TCF12: variants seen among roughly 807,000 people sequenced by gnomAD.
The protein encoded by TCF12 is DNA-binding protein HTF4.
Under a neutral mutation model 86.0 loss-of-function variants are expected in TCF12, and 45 were observed. That is an observed-to-expected ratio of 0.52 (90% CI 0.41 to 0.67). TCF12 has a LOEUF of 0.67. Among genes scored for constraint, TCF12 ranks in the 30% least tolerant of loss-of-function variants. The pLI, the probability that TCF12 is intolerant of heterozygous loss-of-function variation, is 0.00. For synonymous variants in TCF12, 330 were observed against 299.6 expected (o/e 1.10, Z -1.05); for missense variants, 881 against 859.9 (o/e 1.02, Z -0.31).
At chr15:57,183,250 A>G (rs1484476284) in intron 6 of TCF12, among the ~76,000 whole-genome samples, 4 of 152,200 alleles carry the variant, frequency 2.6e-5, no homozygotes, top group African/African-American at 9.6e-5. Flanking sequence ...ACATTTGTAT[A>G]TACACATTCC....
chr15:57,281,276 TTGCTATCTTTTA>T (rs2152128677), intron 19 of TCF12, among the ~76,000 whole-genome samples: 1 of 152,314 alleles, frequency 6.6e-6, no homozygotes, highest in East Asian at 1.9e-4. Flanking sequence ...GCAGTCTTGT[TTGCTATCTTTTA>T]TAAGAAGCAG....
At chr15:57,221,703 C>T (rs2058606012) in intron 8 of TCF12, among the ~76,000 whole-genome samples, 1 of 151,966 alleles carries the variant, frequency 6.6e-6, no homozygotes, top group African/African-American at 2.4e-5. Context: ...GATATGTTGG[C>T]TTAGTCCTCC....
chr15:56,933,622 A>G (rs1166962330), intron 3 of TCF12, among the ~76,000 whole-genome samples: 4 of 152,184 alleles, frequency 2.6e-5, no homozygotes, highest in African/African-American at 9.7e-5. Context: ...GGACAATAAA[A>G]ATACTGCCTG....
chr15:57,190,480 G>A (rs1361416682), intron 6 of TCF12, among the ~76,000 whole-genome samples: 1 of 152,046 alleles, frequency 6.6e-6, no homozygotes, highest in Non-Finnish European at 1.5e-5. Flanking sequence ...AATATATGAT[G>A]GGGGATTCGT....
intron 3 of TCF12, among the ~76,000 whole-genome samples, chr15:57,032,438 G>A (rs1191628752): frequency 6.6e-6 from 1 of 152,028 alleles, no homozygotes; most frequent in African/African-American, 2.4e-5. Context: ...GTGTCGTTTC[G>A]GCTTTTTGAG....
chr15:57,219,819 G>T (rs1393485585), intron 8 of TCF12, among the ~76,000 whole-genome samples: 1 of 147,816 alleles, frequency 6.8e-6, no homozygotes, highest in African/African-American at 2.5e-5. Context: ...TTCGCCTCCC[G>T]GGTTCAAGCG....
chr15:56,941,230 G>A (rs1359534944), intron 3 of TCF12, among the ~76,000 whole-genome samples: 1 of 151,948 alleles, frequency 6.6e-6, no homozygotes, highest in African/African-American at 2.4e-5. Context: ...GCCAGGTGTG[G>A]TGGCATGTAC....
intron 4 of TCF12, among the ~76,000 whole-genome samples, chr15:57,091,475 T>A (rs2151115748): frequency 6.6e-6 from 1 of 152,326 alleles, no homozygotes; most frequent in South Asian, 2.1e-4. Flanking sequence ...TTAGTAATAG[T>A]TTACAGAATT....
chr15:56,940,468 T>C (rs1174850292), intron 3 of TCF12, among the ~76,000 whole-genome samples: 2 of 149,616 alleles, frequency 1.3e-5, no homozygotes, highest in African/African-American at 2.5e-5. Flanking sequence ...CTTCTTCCTC[T>C]TCTTCTTCTT....
intron 1 of TCF12, 73 bp from the exon 2 acceptor site, chr15:56,919,819 A>T: frequency 7.4e-7 from 1 of 1,344,300 alleles, no homozygotes; most frequent in Non-Finnish European, 1.1e-6. Context: ...AATCTTCCCC[A>T]GTACCTCTCT....
intron 3 of TCF12, among the ~76,000 whole-genome samples, chr15:57,046,137 C>A (rs1294294109): frequency 6.6e-6 from 1 of 152,204 alleles, no homozygotes; most frequent in Admixed American, 6.5e-5. Context: ...TTACCAACAT[C>A]ATCTCATTTA....
chr15:56,961,472 A>G (rs928386843), intron 3 of TCF12, among the ~76,000 whole-genome samples: 2 of 152,240 alleles, frequency 1.3e-5, no homozygotes, highest in African/African-American at 2.4e-5. Flanking sequence ...TGTATAAGCA[A>G]CCGCAAAACG....
chr15:56,941,091 G>T (rs1469060148), intron 3 of TCF12, among the ~76,000 whole-genome samples: 3 of 4,308 alleles, frequency 7.0e-4, no homozygotes, highest in African/African-American at 1.6e-3. Flanking sequence ...TTTAGGCCAG[G>T]TGTGGTGGCT....
chr15:57,031,400 C>T (rs1191092232), intron 3 of TCF12, among the ~76,000 whole-genome samples: 1 of 152,158 alleles, frequency 6.6e-6, no homozygotes, highest in African/African-American at 2.4e-5. Flanking sequence ...GATCAATCTT[C>T]TGAGGCTTTC....
intron 3 of TCF12, among the ~76,000 whole-genome samples, chr15:57,034,965 G>A (rs2066413556): frequency 6.6e-6 from 1 of 152,158 alleles, no homozygotes; most frequent in Non-Finnish European, 1.5e-5. Context: ...TTTTCTGGGT[G>A]CCATAGGAAA....
At chr15:57,148,183 C>G (rs529476258) in intron 5 of TCF12, among the ~76,000 whole-genome samples, 2 of 145,370 alleles carry the variant, frequency 1.4e-5, no homozygotes, top group African/African-American at 5.1e-5. Flanking sequence ...TTTACCAGGT[C>G]GATTTTTGTT....
intron 5 of TCF12, among the ~76,000 whole-genome samples, chr15:57,140,127 C>T (rs958288960): frequency 6.6e-6 from 1 of 152,116 alleles, no homozygotes; most frequent in Admixed American, 6.6e-5. Context: ...GCATTATTCC[C>T]AGTTAACCAA....
At chr15:57,280,399 C>T (rs1377510280) in intron 19 of TCF12, among the ~76,000 whole-genome samples, 5 of 152,098 alleles carry the variant, frequency 3.3e-5, no homozygotes, top group Admixed American at 1.3e-4. Context: ...CTATGTCTTT[C>T]TAAATACAGG....
At chr15:57,048,863 A>G (rs1336599293) in intron 3 of TCF12, among the ~76,000 whole-genome samples, 1 of 152,190 alleles carries the variant, frequency 6.6e-6, no homozygotes, top group Non-Finnish European at 1.5e-5. Flanking sequence ...TACACCCATC[A>G]TCAATATCAA....
Sources: gnomAD v4.1 joint callset for allele counts (sites outside exome capture counted in the v4.1 genomes callset) on GRCh38, gnomAD v4.1.1 for gene constraint, MANE v1.5 for transcripts, NCBI Gene and HGNC (gene_info 2026-07-23, HGNC 2026-07-21) for gene names.